MYO5B: variants seen among roughly 807,000 people sequenced by gnomAD.
The protein encoded by MYO5B is myosin VB.
MYO5B carries 143 observed loss-of-function variants against 229.3 expected under a neutral mutation model. The ratio of observed to expected loss-of-function variants is 0.62; its 90% CI spans 0.54 to 0.72. The LOEUF is 0.72. Among genes scored for constraint, MYO5B ranks in the 30% least tolerant of loss-of-function variants. The pLI, the probability that MYO5B is intolerant of heterozygous loss-of-function variation, is 0.00. For synonymous variants in MYO5B, 918 were observed against 885.2 expected (o/e 1.04, Z -0.66); for missense variants, 2,321 against 2,331.0 (o/e 1.00, Z 0.09).
Position 49,904,321 on chromosome 18 carries a change from C to T in MYO5B, c.2571+351G>A, listed in dbSNP as rs189632357. 2.0e-3 allele frequency among the ~76,000 whole-genome samples: 308 copies of T among 152,340 alleles called. 3 individuals carry two copies. Among genetic ancestry groups the T allele is most frequent in the Admixed American group, 0.013 (202 of 15,306 alleles). The stretch of plus-strand genomic sequence containing the variant: ...TCTCTCACCATGCGACCTCTGCACA[C>T]ACCGGCTTCCACCTCCCACCATGAG... On this transcript the variant is annotated intron_variant, in intron 20 of 39. Coordinates refer to ENST00000285039, the MANE Select transcript of MYO5B (RefSeq NM_001080467.3).
intron 14 of MYO5B, among the ~76,000 whole-genome samples, chr18:49,940,386 C>G (rs555244878): frequency 4.2e-4 from 64 of 152,252 alleles, no homozygotes; most frequent in African/African-American, 1.5e-3. Flanking sequence ...GTTCTCAGAA[C>G]CTGTCAGATT....
chr18:49,909,957 GTAAACA>G (rs2024939591), intron 18 of MYO5B, among the ~76,000 whole-genome samples: 1 of 152,158 alleles, frequency 6.6e-6, no homozygotes, highest in Admixed American at 6.5e-5. Flanking sequence ...AGGAGGTGGT[GTAAACA>G]TAAAGACACT....
chr18:49,954,191 C>G (rs1261733612), intron 13 of MYO5B, 122 bp downstream of exon 13: 2 of 1,454,660 alleles, frequency 1.4e-6, no homozygotes, highest in East Asian at 2.3e-5. Flanking sequence ...GAAGGGGAAC[C>G]TAGCTGAGGC....
chr18:50,152,764 T>C (rs969809903), intron 1 of MYO5B, among the ~76,000 whole-genome samples: 4 of 151,914 alleles, frequency 2.6e-5, no homozygotes, highest in African/African-American at 9.7e-5. Flanking sequence ...ATTTCCTAAG[T>C]TCTGATATTG....
intron 39 of MYO5B, 24 bp from the exon 40 acceptor site, chr18:49,826,647 T>G: frequency 6.2e-7 from 1 of 1,612,038 alleles, no homozygotes; most frequent in Non-Finnish European, 8.5e-7. Context: ...TAAGACCATG[T>G]AAAGTTTGAG....
rs2024965693 is a variant in MYO5B, at chr18:49,912,165, T to C, written c.2099A>G (p.Tyr700Cys). 2 of 1,613,858 alleles carry C rather than the reference T, an allele frequency of 1.2e-6. No homozygotes were observed. The highest frequency in any genetic ancestry group is 1.7e-6 in the Non-Finnish European group (2 of 1,179,930). The change falls in exon 18 of 40, where the codon TAC (tyrosine) becomes TGC (cysteine). Residue 700 changes from tyrosine (Y) to cysteine (C), a missense_variant. Tyr to Cys is a radical substitution (Grantham distance 194). This residue lies in a region of MYO5B where 2,113 missense variants were observed against 2,044.7 expected (regional missense o/e 1.03). Coordinates refer to ENST00000285039, the MANE Select transcript of MYO5B (RefSeq NM_001080467.3). The part of the protein sequence containing the change: ...SAAGYPSRWA[Y>C]HDFFNRYRVL... ...CCGATACCGGTTGAAAAAGTCATGG[T>C]AGGCCCACCTGGAGGGAAAGCAAAG...
At chr18:49,947,669 C>T (rs944626880) in intron 14 of MYO5B, among the ~76,000 whole-genome samples, 3 of 152,098 alleles carry the variant, frequency 2.0e-5, no homozygotes, top group African/African-American at 4.8e-5. Flanking sequence ...GGCAGCCACC[C>T]GGGCATTTCT....
intron 10 of MYO5B, among the ~76,000 whole-genome samples, chr18:49,963,653 C>G (rs975727764): frequency 1.3e-5 from 2 of 152,062 alleles, no homozygotes; most frequent in African/African-American, 4.8e-5. Flanking sequence ...GTCTCGAACT[C>G]CTGGGCTCAA....
chr18:50,048,455 T>C (rs1411107698), intron 2 of MYO5B, among the ~76,000 whole-genome samples: 3 of 152,178 alleles, frequency 2.0e-5, no homozygotes, highest in African/African-American at 7.2e-5. Context: ...CTCTGCTCTC[T>C]AAGGTCACAC....
intron 1 of MYO5B, among the ~76,000 whole-genome samples, chr18:50,191,143 T>C (rs1204180404): frequency 6.6e-6 from 1 of 152,206 alleles, no homozygotes; most frequent in East Asian, 1.9e-4. Context: ...GGGGAGACCA[T>C]GGTTAGGCAA....
intron 1 of MYO5B, among the ~76,000 whole-genome samples, chr18:50,153,884 A>G (rs2032639491): frequency 6.6e-6 from 1 of 152,148 alleles, no homozygotes. Flanking sequence ...CTAAGACTGC[A>G]GTGTCCTTGC....
At position 49,888,431 on chromosome 18, in the gene MYO5B, T is replaced by A. The variant is rs140823714; in HGVS notation, c.3045+6510A>T. On this transcript the variant is annotated intron_variant, in intron 22 of 39. Coordinates refer to ENST00000285039, the MANE Select transcript of MYO5B (RefSeq NM_001080467.3). ...TCACAAGAGGTGGGGGTCATCTGGA[T>A]TAGGCCTGCAAGTGGGATGTCTCAG... Among the ~76,000 whole-genome samples the A allele has an allele frequency of 4.1e-3, 621 of 152,162 alleles. 5 individuals are homozygous for A. The highest frequency in any genetic ancestry group is 0.014 in the African/African-American group (580 of 41,536).
At chr18:50,000,003 A>G (rs867728161) in intron 5 of MYO5B, among the ~76,000 whole-genome samples, 1 of 152,362 alleles carries the variant, frequency 6.6e-6, no homozygotes, top group Non-Finnish European at 1.5e-5. Context: ...CTTTTCAAAA[A>G]TTCATAGTGA....
At chr18:50,107,108 CCTT>C (rs1568109114) in intron 1 of MYO5B, among the ~76,000 whole-genome samples, 4 of 108,966 alleles carry the variant, frequency 3.7e-5, no homozygotes, top group Non-Finnish European at 7.4e-5. Context: ...CCTTAGGGTG[CCTT>C]TTTTTTTTTT....
At chr18:49,925,444 T>C (rs1183899835) in intron 17 of MYO5B, among the ~76,000 whole-genome samples, 3 of 152,244 alleles carry the variant, frequency 2.0e-5, no homozygotes, top group Non-Finnish European at 4.4e-5. Flanking sequence ...TGGACACATG[T>C]TCTAAGGATC....
chr18:49,828,997 T>C (rs1287261194), intron 39 of MYO5B, among the ~76,000 whole-genome samples: 1 of 145,196 alleles, frequency 6.9e-6, no homozygotes, highest in Non-Finnish European at 1.5e-5. Flanking sequence ...CTAGAAGAAA[T>C]GAAATAACAT....
At chr18:50,138,389 A>G (rs1568121147) in intron 1 of MYO5B, among the ~76,000 whole-genome samples, 2 of 152,016 alleles carry the variant, frequency 1.3e-5, no homozygotes, top group Non-Finnish European at 2.9e-5. Context: ...TTACAGGAGA[A>G]AGGGAATCTG....
rs140271667 is a variant in MYO5B at position 50,175,938 on chromosome 18, G to A, written c.27+18829C>T. Among the ~76,000 whole-genome samples, 276 of 152,352 alleles carry A rather than the reference G, an allele frequency of 1.8e-3. 5 individuals carry two copies. In the East Asian group the frequency reaches 0.038, roughly 21 times the overall value. Reference sequence around the variant, plus strand: ...TTGCTGGTCATACTGCTTTTTGGAAGAACTCAGAGAGGAAATACATGAATT... The same window carrying A: ...TTGCTGGTCATACTGCTTTTTGGAAAAACTCAGAGAGGAAATACATGAATT... On this transcript the variant is annotated intron_variant, in intron 1 of 39. Coordinates refer to ENST00000285039, the MANE Select transcript of MYO5B (RefSeq NM_001080467.3).
intron 5 of MYO5B, among the ~76,000 whole-genome samples, chr18:49,997,311 A>G (rs1344350028): frequency 1.4e-5 from 2 of 147,360 alleles, no homozygotes; most frequent in African/African-American, 5.0e-5. Flanking sequence ...AATCCTGAAA[A>G]TAACATATCT....
Sources: allele counts gnomAD v4.1 joint callset (sites outside exome capture counted in the v4.1 genomes callset), GRCh38; gene constraint gnomAD v4.1.1; regional missense constraint gnomAD v4.1.1; transcripts MANE v1.5; gene names NCBI Gene and HGNC (gene_info 2026-07-23, HGNC 2026-07-21).